Variants in MFSD6 observed in about 807,000 individuals in gnomAD.
MFSD6 encodes major facilitator superfamily domain-containing protein 6.
In MFSD6, 26 loss-of-function variants were observed where a neutral mutation model predicts 56.3. The observed-to-expected ratio is 0.46, with a 90% CI of 0.34 to 0.64. MFSD6 has a LOEUF of 0.64. Ranked by LOEUF, MFSD6 falls within the 30% of genes least tolerant of loss-of-function variation. The pLI is 0.01. For synonymous variants in MFSD6, 331 were observed against 366.9 expected (o/e 0.90, Z 1.12); for missense variants, 750 against 986.2 (o/e 0.76, Z 3.21).
rs1690814540 is a variant in MFSD6, at chr2:190,417,260, C to T, written c.-54+1847C>T. Among the ~76,000 whole-genome samples, 2 of 152,148 alleles carry T rather than the reference C, an allele frequency of 1.3e-5. No homozygotes were observed. The highest frequency in any genetic ancestry group is 4.1e-4 in the South Asian group (2 of 4,826). ...CCATCACAGGACTTCAGTACTGGAT[C>T]ATTAGCGGTAAGATCAGCACACCAA... On this transcript the variant is annotated intron_variant, in intron 2 of 7. Transcript: ENST00000392328. The surrounding 1 kb of genome is among the most constrained non-coding windows in gnomAD (Gnocchi z 5.7).
chr2:190,427,313 G>A (rs988135586), intron 2 of MFSD6, among the ~76,000 whole-genome samples: 1 of 152,220 alleles, frequency 6.6e-6, no homozygotes. Context: ...TTATAGCTTG[G>A]TGAGGGCAGA....
rs1369759839 is a variant in MFSD6 at position 190,500,040 on chromosome 2, C to T, written c.2198C>T (p.Ser733Phe). ...LQGTNENREN[S>F]PAGRAQPVPC... ...GGGACCAATGAGAATAGGGAAAATTCTCCTGCTGGTAGAGCCCAGCCTGTC... is the reference window on the plus strand; with the variant it reads ...GGGACCAATGAGAATAGGGAAAATTTTCCTGCTGGTAGAGCCCAGCCTGTC... The change falls in exon 8 of 8, where the codon TCT (serine) becomes TTT (phenylalanine). Residue 733 changes from serine (S) to phenylalanine (F), a missense_variant. By Grantham distance (155) the Ser-to-Phe change is radical. Transcript: ENST00000392328. This position sits in a 1 kb window ranked among gnomAD's most constrained non-coding sequence, Gnocchi z 5.3. The T allele has an allele frequency of 1.2e-6, 2 of 1,614,058 alleles. No individual in the cohort carries two copies. The highest frequency in any genetic ancestry group is 1.7e-6 in the Non-Finnish European group (2 of 1,180,022).
At chr2:190,472,787 G>A (rs868779764) in intron 4 of MFSD6, among the ~76,000 whole-genome samples, 2 of 152,208 alleles carry the variant, frequency 1.3e-5, no homozygotes, top group Middle Eastern at 3.2e-3. Context: ...ATAATTGTCA[G>A]ATTCACCAAA....
At position 190,482,868 on chromosome 2, in the gene MFSD6, C is replaced by CTT. The variant is rs199927176; in HGVS notation, c.1631-5755_1631-5754dup. 1.8e-3 allele frequency among the ~76,000 whole-genome samples: 89 copies of CTT among 48,280 alleles called. 21 individuals are homozygous for CTT. Among genetic ancestry groups the CTT allele is most frequent in the African/African-American group, 6.8e-3 (75 of 11,026 alleles). The allele number at this position is 48,280 out of a possible 152,430, so 31.7% of individuals were successfully genotyped here. A position where few individuals can be genotyped will look rare whatever the true frequency, so the allele number is the denominator to read the frequency against. On this transcript the variant is annotated intron_variant, in intron 4 of 7. Coordinates refer to ENST00000392328, the MANE Select transcript of MFSD6 (RefSeq NM_017694.4). Reference sequence around the variant, plus strand: ...GGAGAAGAGTTATTAAGACTATCATCTTTTTTTTTTTTTTTTTTTTTTTTT... The same window carrying CTT: ...GGAGAAGAGTTATTAAGACTATCATCTTTTTTTTTTTTTTTTTTTTTTTTTTT...
At position 190,418,107 on chromosome 2, in the gene MFSD6, T is replaced by A. The variant is rs1191625299; in HGVS notation, c.-54+2694T>A. Among the ~76,000 whole-genome samples the A allele has an allele frequency of 1.3e-5, 2 of 152,040 alleles. No homozygotes were observed. Among genetic ancestry groups the A allele is most frequent in the East Asian group, 1.9e-4 (1 of 5,154 alleles). On this transcript the variant is annotated intron_variant, in intron 2 of 7. Transcript: ENST00000392328. This position sits in a 1 kb window ranked among gnomAD's most constrained non-coding sequence, Gnocchi z 4.1. ...GGATCCCTGTCTCATAGCTGCACAGTGCATTGAGAGTCAGTACCTGCTAAG... is the reference window on the plus strand; with the variant it reads ...GGATCCCTGTCTCATAGCTGCACAGAGCATTGAGAGTCAGTACCTGCTAAG...
In MFSD6 at chr2:190,495,101, C is replaced by T. The variant is rs1213967429; in HGVS notation, c.1892-2338C>T. 6.6e-6 allele frequency among the ~76,000 whole-genome samples: 1 copy of T among 152,110 alleles called. No individual in the cohort carries two copies. The highest frequency in any genetic ancestry group is 1.9e-4 in the East Asian group (1 of 5,198). On this transcript the variant is annotated intron_variant, in intron 6 of 7. Coordinates refer to ENST00000392328, the MANE Select transcript of MFSD6 (RefSeq NM_017694.4). This position sits in a 1 kb window ranked among gnomAD's most constrained non-coding sequence, Gnocchi z 4.7. ...GATAAGATTGTATACCTAGAAAACC[C>T]TAAAGACTCCTCCTAAAAGCTCTTA...
At chr2:190,468,296 C>T (rs181013280) in intron 3 of MFSD6, among the ~76,000 whole-genome samples, 1 of 152,320 alleles carries the variant, frequency 6.6e-6, no homozygotes, top group Non-Finnish European at 1.5e-5. Context: ...CCTCTAATAT[C>T]TGTTGCCTAT....
intron 4 of MFSD6, among the ~76,000 whole-genome samples, chr2:190,473,877 A>G (rs1290703416): frequency 6.6e-6 from 1 of 152,036 alleles, no homozygotes; most frequent in African/African-American, 2.4e-5. Flanking sequence ...CTCAGACCAC[A>G]GTGCAATCAA....
intron 3 of MFSD6, among the ~76,000 whole-genome samples, chr2:190,460,010 T>C (rs1036712057): frequency 2.0e-5 from 3 of 152,248 alleles, no homozygotes; most frequent in South Asian, 4.1e-4. Context: ...CAGGATCTCC[T>C]TGGTGGTCCC....
rs1689414288 is a variant in MFSD6, at chr2:190,492,482, G to A, written c.1891+2616G>A. Among the ~76,000 whole-genome samples the A allele has an allele frequency of 6.6e-6, 1 of 152,128 alleles. No individual in the cohort carries two copies. The highest frequency in any genetic ancestry group is 1.5e-5 in the Non-Finnish European group (1 of 68,036). ...AACCCTACAAGCTAGAAGGGATTGA[G>A]GCCCTATGTTCAGCCTCATAATTAA... On this transcript the variant is annotated intron_variant, in intron 6 of 7. Coordinates refer to ENST00000392328, the MANE Select transcript of MFSD6 (RefSeq NM_017694.4). The surrounding 1 kb of genome is among the most constrained non-coding windows in gnomAD (Gnocchi z 5.2).
At position 190,456,901 on chromosome 2, in the gene MFSD6, GT is replaced by G. The variant is rs1166529596; in HGVS notation, c.1533-12855del. The stretch of plus-strand genomic sequence containing the variant: ...CTTTGATCTAGGATATTGGACAACT[GT>G]TGAGTGGCATTTGCTTTTCTACTTT... On this transcript the variant is annotated intron_variant, in intron 3 of 7. Coordinates refer to ENST00000392328, the MANE Select transcript of MFSD6 (RefSeq NM_017694.4). The surrounding 1 kb of genome is among the most constrained non-coding windows in gnomAD (Gnocchi z 5.4). Among the ~76,000 whole-genome samples, 1 of 152,160 alleles carries G rather than the reference GT, an allele frequency of 6.6e-6. No homozygotes were observed. The highest frequency in any genetic ancestry group is 1.5e-5 in the Non-Finnish European group (1 of 68,038).
rs562664275 is a variant in MFSD6, at chr2:190,502,111, A to G, written c.*1893A>G. ...TAAATGATAAAGATGTGACCAAACA[A>G]AAGTCCTATACTCTAATGAATGAGA... On this transcript the variant is annotated 3_prime_UTR_variant, in exon 8 of 8. Transcript: ENST00000392328. The surrounding 1 kb of genome is among the most constrained non-coding windows in gnomAD (Gnocchi z 4.4). 6.6e-6 allele frequency: 1 copy of G among 152,660 alleles called. No homozygotes were observed. The highest frequency in any genetic ancestry group is 2.4e-5 in the African/African-American group (1 of 41,586). 9.5% of individuals were successfully genotyped at this position (152,660 alleles called of 1,614,324 possible).
At position 190,496,668 on chromosome 2, in the gene MFSD6, ATG is replaced by A. The variant is rs532159588; in HGVS notation, c.1892-761_1892-760del. On this transcript the variant is annotated intron_variant, in intron 6 of 7. Transcript: ENST00000392328. This position sits in a 1 kb window ranked among gnomAD's most constrained non-coding sequence, Gnocchi z 4.7. The stretch of plus-strand genomic sequence containing the variant: ...TATGTATATGTGTATATGTGTGTGT[ATG>A]TGTGTGTGTATATACACACACACAC... Among the ~76,000 whole-genome samples, 1 of 151,574 alleles carries A rather than the reference ATG, an allele frequency of 6.6e-6. No individual in the cohort carries two copies. Among genetic ancestry groups the A allele is most frequent in the African/African-American group, 2.4e-5 (1 of 41,070 alleles).
rs762035978 is a variant in MFSD6 at position 190,469,746 on chromosome 2, A to ATTTTTT, written c.1533-8_1533-3dup. On this transcript the variant is annotated splice_polypyrimidine_tract_variant and intron_variant, in intron 3 of 7. Transcript: ENST00000392328. The surrounding 1 kb of genome is among the most constrained non-coding windows in gnomAD (Gnocchi z 5.3). ...TTTTTTTATTTTATTTTTATTTTTT[A>ATTTTTT]TTTTTTTTTAGGGTTCTGTACATTG... The ATTTTTT allele has an allele frequency of 1.2e-5, 17 of 1,364,862 alleles. No individual in the cohort carries two copies. The highest frequency in any genetic ancestry group is 1.5e-5 in the African/African-American group (1 of 66,952). 84.5% of individuals were successfully genotyped at this position (1,364,862 alleles called of 1,614,324 possible).
In MFSD6 at chr2:190,415,943, A is replaced by G. The variant is rs141874651; in HGVS notation, c.-54+530A>G. On this transcript the variant is annotated intron_variant, in intron 2 of 7. Transcript: ENST00000392328. This position sits in a 1 kb window ranked among gnomAD's most constrained non-coding sequence, Gnocchi z 4.5. ...TTTATTTAACCCTCTTAACTTCCTC[A>G]GTGTCTAATAGTGTTAGAATAGCTC... Among the ~76,000 whole-genome samples, 1,423 of 152,268 alleles carry G rather than the reference A, an allele frequency of 9.3e-3. 33 individuals carry two copies. Among genetic ancestry groups the G allele is most frequent in the African/African-American group, 0.032 (1,341 of 41,542 alleles).
At chr2:190,420,437 C>T (rs1313529114) in intron 2 of MFSD6, among the ~76,000 whole-genome samples, 1 of 152,076 alleles carries the variant, frequency 6.6e-6, no homozygotes, top group South Asian at 2.1e-4. Flanking sequence ...ATCTAATTAC[C>T]TCCAAACGGG....
chr2:190,464,865 T>C, intron 3 of MFSD6: 1 of 971,012 alleles, frequency 1.0e-6, no homozygotes, highest in African/African-American at 1.8e-5. Flanking sequence ...TAAATGTTTA[T>C]TGAGCAAAAT....
At position 190,498,962 on chromosome 2, in the gene MFSD6, A is replaced by G. The variant is rs897455785; in HGVS notation, c.2173-1053A>G. 4.6e-5 allele frequency among the ~76,000 whole-genome samples: 7 copies of G among 151,962 alleles called. No homozygotes were observed. The highest frequency in any genetic ancestry group is 4.2e-4 in the South Asian group (2 of 4,808). ...CAGGAGTTCAAGACCAGCCTGGCCA[A>G]GATGGTGAAACCCCGTCTCTACTAA... On this transcript the variant is annotated intron_variant, in intron 7 of 7. Coordinates refer to ENST00000392328, the MANE Select transcript of MFSD6 (RefSeq NM_017694.4). The surrounding 1 kb of genome is among the most constrained non-coding windows in gnomAD (Gnocchi z 5.9).
At position 190,425,944 on chromosome 2, in the gene MFSD6, T is replaced by G. The variant is rs540481574; in HGVS notation, c.-53-10033T>G. Among the ~76,000 whole-genome samples the G allele has an allele frequency of 6.6e-6, 1 of 152,326 alleles. No individual in the cohort carries two copies. Among genetic ancestry groups the G allele is most frequent in the South Asian group, 2.1e-4 (1 of 4,828 alleles). On this transcript the variant is annotated intron_variant, in intron 2 of 7. Coordinates refer to ENST00000392328, the MANE Select transcript of MFSD6 (RefSeq NM_017694.4). The surrounding 1 kb of genome is among the most constrained non-coding windows in gnomAD (Gnocchi z 4.3). Reference sequence around the variant, plus strand: ...TCTGCTATCATTTCAATTGTTTTTCTCCCATTGGTAAGTTGTTTCTCTCTG... The same window carrying G: ...TCTGCTATCATTTCAATTGTTTTTCGCCCATTGGTAAGTTGTTTCTCTCTG...
Sources: gnomAD v4.1 joint callset for allele counts (sites outside exome capture counted in the v4.1 genomes callset) on GRCh38, gnomAD v4.1.1 for gene constraint, Gnocchi (gnomAD v3.1) non-coding constraint, MANE v1.5 for transcripts, NCBI Gene and HGNC (gene_info 2026-07-23, HGNC 2026-07-21) for gene names.